AGBL4: variants seen among roughly 807,000 people sequenced by gnomAD.
AGBL4 encodes AGBL carboxypeptidase 4.
AGBL4 carries 58 observed loss-of-function variants against 66.4 expected under a neutral mutation model. That is an observed-to-expected ratio of 0.87 (90% CI 0.71 to 1.09). The LOEUF (loss-of-function observed/expected upper bound fraction) is 1.09. Ranked by LOEUF, AGBL4 falls within the 50% of genes least tolerant of loss-of-function variation. AGBL4 has a pLI of 0.00. For synonymous variants in AGBL4, 234 were observed against 222.9 expected (o/e 1.05, Z -0.44); for missense variants, 579 against 631.0 (o/e 0.92, Z 0.88).
intron 4 of AGBL4, among the ~76,000 whole-genome samples, chr1:49,182,850 G>T (rs984323121): frequency 6.6e-6 from 1 of 152,034 alleles, no homozygotes; most frequent in Non-Finnish European, 1.5e-5. Context: ...AGACCTGACT[G>T]CCTTCCAAGA....
At chr1:48,789,608 G>C (rs1557996150) in intron 6 of AGBL4, among the ~76,000 whole-genome samples, 1 of 152,098 alleles carries the variant, frequency 6.6e-6, no homozygotes, top group Non-Finnish European at 1.5e-5. Context: ...CACTAAATGT[G>C]GTCTGGGTAG....
intron 5 of AGBL4, among the ~76,000 whole-genome samples, chr1:49,040,572 T>C (rs942799335): frequency 3.3e-5 from 5 of 152,080 alleles, no homozygotes; most frequent in African/African-American, 1.2e-4. Context: ...AACTGGAGAA[T>C]AGGTAAACAA....
chr1:49,676,349 C>A (rs553571900), intron 3 of AGBL4, among the ~76,000 whole-genome samples: 1 of 152,086 alleles, frequency 6.6e-6, no homozygotes, highest in African/African-American at 2.4e-5. Flanking sequence ...CATTGCAGCA[C>A]AAGGTAATTT....
chr1:49,184,530 A>G (rs1646981886), intron 4 of AGBL4, among the ~76,000 whole-genome samples: 1 of 152,186 alleles, frequency 6.6e-6, no homozygotes, highest in South Asian at 2.1e-4. Context: ...CTCTTACCCT[A>G]GTTCCCACAG....
chr1:48,984,824 A>G (rs1344088757), intron 5 of AGBL4, among the ~76,000 whole-genome samples: 1 of 151,866 alleles, frequency 6.6e-6, no homozygotes, highest in African/African-American at 2.4e-5. Flanking sequence ...GAGTTAGTAA[A>G]AAGAAGGAGA....
At chr1:49,553,358 C>G (rs1313116082) in intron 3 of AGBL4, among the ~76,000 whole-genome samples, 1 of 152,162 alleles carries the variant, frequency 6.6e-6, no homozygotes, top group African/African-American at 2.4e-5. Context: ...CACAGGAAAC[C>G]AGGACTTCTC....
At chr1:48,635,435 G>T (rs1347424814) in intron 8 of AGBL4, among the ~76,000 whole-genome samples, 1 of 152,196 alleles carries the variant, frequency 6.6e-6, no homozygotes, top group Admixed American at 6.5e-5. Flanking sequence ...AAACTTCCAG[G>T]AACTTCCTTT....
chr1:49,567,160 T>G (rs1644227596), intron 3 of AGBL4, among the ~76,000 whole-genome samples: 1 of 152,204 alleles, frequency 6.6e-6, no homozygotes, highest in Admixed American at 6.5e-5. Flanking sequence ...AAGTGCAGTA[T>G]TAGGGTGGGA....
intron 3 of AGBL4, among the ~76,000 whole-genome samples, chr1:49,559,041 T>C (rs1002461067): frequency 5.3e-5 from 8 of 152,140 alleles, no homozygotes; most frequent in Non-Finnish European, 8.8e-5. Context: ...AACCATGGCC[T>C]GGCTGGCTTT....
chr1:49,303,451 T>TTTTATTTATTTATTTATTTATTTATTTA (rs141772658), intron 3 of AGBL4, among the ~76,000 whole-genome samples: 2,371 of 147,312 alleles, frequency 0.016, 67 homozygotes, highest in African/African-American at 0.055. Flanking sequence ...CATAAATGTC[T>TTTTATTTATTTATTTATTTATTTATTTA]TTTATTTATT....
intron 1 of AGBL4, among the ~76,000 whole-genome samples, chr1:49,870,564 A>G (rs72905705): frequency 0.064 from 9,732 of 151,024 alleles, 997 homozygotes; most frequent in African/African-American, 0.21. Flanking sequence ...ATAAATATAT[A>G]TATCTACAAT....
At chr1:48,813,779 T>C (rs1340982752) in intron 6 of AGBL4, among the ~76,000 whole-genome samples, 3 of 152,002 alleles carry the variant, frequency 2.0e-5, no homozygotes, top group African/African-American at 2.4e-5. Context: ...AGACTTACTA[T>C]TCTTCCTGTG....
At chr1:49,180,030 T>G (rs895825011) in intron 4 of AGBL4, among the ~76,000 whole-genome samples, 1 of 151,958 alleles carries the variant, frequency 6.6e-6, no homozygotes, top group Non-Finnish European at 1.5e-5. Flanking sequence ...GCCTCCCGAG[T>G]AGCTGGGGTC....
At chr1:48,527,769 C>T in the AGBL4 span, among the ~76,000 whole-genome samples, 1 of 151,918 alleles carries the variant, frequency 6.6e-6, no homozygotes, top group Non-Finnish European at 1.5e-5. Flanking sequence ...GAGATGTTGG[C>T]TGGAAATTAG....
At chr1:48,554,762 A>G (rs1464116090) in intron 11 of AGBL4, among the ~76,000 whole-genome samples, 1 of 152,138 alleles carries the variant, frequency 6.6e-6, no homozygotes, top group Non-Finnish European at 1.5e-5. Flanking sequence ...TCCTTGTGTT[A>G]TAGGTTAGAA....
intron 2 of AGBL4, among the ~76,000 whole-genome samples, chr1:49,835,303 T>C (rs1018905951): frequency 1.3e-5 from 2 of 152,224 alleles, no homozygotes; most frequent in Non-Finnish European, 2.9e-5. Flanking sequence ...TCTTGTTGCA[T>C]TGATCCCTTT....
At chr1:49,917,207 C>G (rs1221861946) in intron 1 of AGBL4, among the ~76,000 whole-genome samples, 3 of 152,088 alleles carry the variant, frequency 2.0e-5, no homozygotes, top group Non-Finnish European at 4.4e-5. Flanking sequence ...CTAACATCAT[C>G]ATGACAGGAT....
chr1:49,995,258 G>A (rs1207307958), intron 1 of AGBL4: 1 of 455,462 alleles, frequency 2.2e-6, no homozygotes, highest in African/African-American at 2.0e-5. Context: ...CCTGAGACAA[G>A]TTTTCAGCCC....
intron 5 of AGBL4, among the ~76,000 whole-genome samples, chr1:49,041,909 G>A (rs944474989): frequency 2.6e-5 from 4 of 151,886 alleles, no homozygotes; most frequent in Non-Finnish European, 5.9e-5. Flanking sequence ...CTTGCTTTCT[G>A]GGCTACCTTA....
Sources: gnomAD v4.1 joint callset for allele counts (sites outside exome capture counted in the v4.1 genomes callset) on GRCh38, gnomAD v4.1.1 for gene constraint, MANE v1.5 for transcripts, NCBI Gene and HGNC (gene_info 2026-07-23, HGNC 2026-07-21) for gene names.